Variants in PCDHGA1 observed in about 807,000 individuals in gnomAD.
The protein encoded by PCDHGA1 is protocadherin gamma-A1.
Under a neutral mutation model 58.0 loss-of-function variants are expected in PCDHGA1, and 32 were observed. The observed-to-expected ratio is 0.55, with a 90% CI of 0.42 to 0.74. The LOEUF is 0.74. Among genes scored for constraint, PCDHGA1 ranks in the 30% least tolerant of loss-of-function variants. The probability of loss-of-function intolerance (pLI) is 0.00; values close to 1 mark genes in which losing one functional copy is unlikely to be tolerated. For missense variants in PCDHGA1, 1,205 were observed against 1,182.3 expected, an observed-to-expected ratio of 1.02 and a Z score of -0.28; for synonymous variants, 498 against 501.1, an observed-to-expected ratio of 0.99 and a Z score of 0.08.
At chr5:141,509,782 C>A (rs2099878218) in intron 3 of PCDHGA1, among the ~76,000 whole-genome samples, 1 of 152,144 alleles carries the variant, frequency 6.6e-6, no homozygotes, top group Admixed American at 6.5e-5. Context: ...TCCCCGAGAT[C>A]ATCATCTCCT....
At position 141,455,354 on chromosome 5, in the gene PCDHGA1, T is replaced by C. The variant is rs185319743; in HGVS notation, c.2422-39453T>C. ...TGGTTTTAAGGAGCGGAGAGTTTAA[T>C]AGGCAAGAAGGAAGGGAGAAGACAG... On this transcript the variant is annotated intron_variant, in intron 1 of 3. Coordinates refer to ENST00000517417, the MANE Select transcript of PCDHGA1 (RefSeq NM_018912.3). Among the ~76,000 whole-genome samples the C allele has an allele frequency of 1.7e-3, 263 of 152,180 alleles. 2 individuals are homozygous for C. The highest frequency in any genetic ancestry group is 3.0e-3 in the Non-Finnish European group (207 of 68,010).
rs764241006 is a variant in PCDHGA1 at position 141,345,969 on chromosome 5, G to A, written c.2421+12864G>A. The A allele has an allele frequency of 2.0e-4, 322 of 1,613,170 alleles. 1 individual carries two copies. The highest frequency in any genetic ancestry group is 1.5e-3 in the African/African-American group (115 of 74,994). Reference sequence around the variant, plus strand: ...GCTCAAGCAGAGCCTCGTGGTGGCCGTCCAGGACCACGGCCAGCCCCCTCT... The same window carrying A: ...GCTCAAGCAGAGCCTCGTGGTGGCCATCCAGGACCACGGCCAGCCCCCTCT... On this transcript the variant is annotated intron_variant, in intron 1 of 3. Coordinates refer to ENST00000517417, the MANE Select transcript of PCDHGA1 (RefSeq NM_018912.3).
At chr5:141,481,779 C>T (rs1367771159) in intron 1 of PCDHGA1, among the ~76,000 whole-genome samples, 2 of 152,092 alleles carry the variant, frequency 1.3e-5, no homozygotes, top group Non-Finnish European at 2.9e-5. Flanking sequence ...TGGTGAAACC[C>T]CGTCTCTACT....
chr5:141,491,503 G>C lies in PCDHGA1; in HGVS notation c.2422-3304G>C. On this transcript the variant is annotated intron_variant, in intron 1 of 3. Coordinates refer to ENST00000517417, the MANE Select transcript of PCDHGA1 (RefSeq NM_018912.3). The surrounding 1 kb of genome is among the most constrained non-coding windows in gnomAD (Gnocchi z 6.9). ...CCCCAACCTGCAGGTGAGCTCGGACGGCACGCTCAAGTACATGGAGGTGAC... is the reference window on the plus strand; with the variant it reads ...CCCCAACCTGCAGGTGAGCTCGGACCGCACGCTCAAGTACATGGAGGTGAC... The C allele has an allele frequency of 6.2e-7, 1 of 1,614,030 alleles. No homozygotes were observed.
intron 1 of PCDHGA1, chr5:141,433,358 CCTAT>C (rs3074541): frequency 0.23 from 113,181 of 502,952 alleles, 11,570 homozygotes; most frequent in Non-Finnish European, 0.24. Flanking sequence ...CTACTGTCTG[CCTAT>C]CTATCTATCT....
chr5:141,343,414 G>C, intron 1 of PCDHGA1: 1 of 967,038 alleles, frequency 1.0e-6, no homozygotes, highest in Non-Finnish European at 1.2e-6. Flanking sequence ...AAATAACCCT[G>C]ATAAATGTAG....
At position 141,339,750 on chromosome 5, in the gene PCDHGA1, G is replaced by A. The variant is rs201553091; in HGVS notation, c.2421+6645G>A. On this transcript the variant is annotated intron_variant, in intron 1 of 3. Transcript: ENST00000517417. ...CCGGAGAATACGCTCGTGGGCACCC[G>A]GATACTCACGGTGACCGCCACTGAC... 320 of 1,613,954 alleles carry A rather than the reference G, an allele frequency of 2.0e-4. 1 individual carries two copies. The highest frequency in any genetic ancestry group is 1.1e-4 in the Non-Finnish European group (135 of 1,180,010).
In PCDHGA1 at chr5:141,332,159, T is replaced by C. The variant is rs750504418; in HGVS notation, c.1475T>C (p.Ile492Thr). 3.1e-6 allele frequency: 5 copies of C among 1,614,034 alleles called. No homozygotes were observed. The African/African-American group carries it at 4.0e-5, about 13-fold the overall frequency. The change falls in exon 1 of 4, where the codon ATA becomes ACA. Residue 492 changes from isoleucine to threonine, a missense_variant. Physicochemically the swap from Ile to Thr is moderately conservative, Grantham distance 89. Coordinates refer to ENST00000517417, the MANE Select transcript of PCDHGA1 (RefSeq NM_018912.3). This position sits in a 1 kb window ranked among gnomAD's most constrained non-coding sequence, Gnocchi z 4.6. ...AATGCACAAATCACTTACTCCCTAATAGAGGACACTATCCAGGGGGCACCC... is the reference window on the plus strand; with the variant it reads ...AATGCACAAATCACTTACTCCCTAACAGAGGACACTATCCAGGGGGCACCC... The part of the protein sequence containing the change: ...NENAQITYSL[I>T]EDTIQGAPLS...
intron 1 of PCDHGA1, chr5:141,340,274 G>A (rs1452914479): frequency 5.0e-6 from 8 of 1,614,008 alleles, no homozygotes; most frequent in East Asian, 2.2e-5. Flanking sequence ...CCTGTCCACG[G>A]ATGCTCACAT....
chr5:141,502,238 T>C (rs2099813398), intron 2 of PCDHGA1, among the ~76,000 whole-genome samples: 1 of 152,204 alleles, frequency 6.6e-6, no homozygotes, highest in Admixed American at 6.5e-5. Flanking sequence ...TGTGTTCTTT[T>C]ATCCTTTTTT....
intron 1 of PCDHGA1, chr5:141,421,504 C>A (rs757410882): frequency 1.2e-6 from 2 of 1,614,062 alleles, no homozygotes; most frequent in Admixed American, 1.7e-5. Context: ...CAGGATAGAC[C>A]GGGAGGAGCT....
At chr5:141,422,888 T>C in intron 1 of PCDHGA1, 2 of 1,614,262 alleles carry the variant, frequency 1.2e-6, no homozygotes, top group South Asian at 2.2e-5. Flanking sequence ...CTGTTCGTGC[T>C]GGACCAGAAC....
In PCDHGA1 at chr5:141,374,330, A is replaced by G. The variant is rs774789215; in HGVS notation, c.2421+41225A>G. Reference sequence around the variant, plus strand: ...TTTCTCTCTGAATCCGCGAAACGGCAGCTTGGTCACCGCGGGTAGGATAGA... The same window carrying G: ...TTTCTCTCTGAATCCGCGAAACGGCGGCTTGGTCACCGCGGGTAGGATAGA... On this transcript the variant is annotated intron_variant, in intron 1 of 3. Coordinates refer to ENST00000517417, the MANE Select transcript of PCDHGA1 (RefSeq NM_018912.3). 138 of 1,613,872 alleles carry G rather than the reference A, an allele frequency of 8.6e-5. No homozygotes were observed. Among genetic ancestry groups the G allele is most frequent in the Non-Finnish European group, 1.1e-4 (130 of 1,179,866 alleles).
At chr5:141,446,061 AG>A (rs903957950) in intron 1 of PCDHGA1, among the ~76,000 whole-genome samples, 3 of 152,226 alleles carry the variant, frequency 2.0e-5, no homozygotes, top group African/African-American at 7.2e-5. Context: ...CTTGGATTAA[AG>A]GGGAGGCAGT....
At position 141,486,169 on chromosome 5, in the gene PCDHGA1, A is replaced by G. The variant is rs2099625537; in HGVS notation, c.2422-8638A>G. The G allele has an allele frequency of 1.2e-6, 2 of 1,614,088 alleles. No individual in the cohort carries two copies. Among genetic ancestry groups the G allele is most frequent in the East Asian group, 2.2e-5 (1 of 44,890 alleles). On this transcript the variant is annotated intron_variant, in intron 1 of 3. Transcript: ENST00000517417. The surrounding 1 kb of genome is among the most constrained non-coding windows in gnomAD (Gnocchi z 5.0). ...ATGGGGGTTCTCCAGCCATGGAGCA[A>G]CATTGCAGCCTTCGAGTGGATCTGC...
At chr5:141,410,037 G>T (rs760397726) in intron 1 of PCDHGA1, 2 of 1,613,250 alleles carry the variant, frequency 1.2e-6, no homozygotes, top group South Asian at 2.2e-5. Flanking sequence ...CTGCAGGCCA[G>T]TGAGCCCGGA....
chr5:141,415,845 A>G, intron 1 of PCDHGA1: 1 of 1,246,436 alleles, frequency 8.0e-7, no homozygotes, highest in Non-Finnish European at 1.0e-6. Flanking sequence ...TTAGCTTTGC[A>G]GAACCTTGTA....
chr5:141,430,383 G>GAAA (rs139772145), intron 1 of PCDHGA1, among the ~76,000 whole-genome samples: 2 of 138,566 alleles, frequency 1.4e-5, no homozygotes, highest in South Asian at 4.6e-4. Flanking sequence ...AGCTCATTGG[G>GAAA]AAAAAAAAAA....
chr5:141,492,285 A>T (rs2099739112), intron 1 of PCDHGA1, among the ~76,000 whole-genome samples: 1 of 152,132 alleles, frequency 6.6e-6, no homozygotes, highest in African/African-American at 2.4e-5. Flanking sequence ...CGCCCCGCCA[A>T]CACGTGCGCG....
Sources: gnomAD v4.1 joint callset for allele counts (sites outside exome capture counted in the v4.1 genomes callset) on GRCh38, gnomAD v4.1.1 for gene constraint, Gnocchi (gnomAD v3.1) non-coding constraint, MANE v1.5 for transcripts, NCBI Gene and HGNC (gene_info 2026-07-23, HGNC 2026-07-21) for gene names.